RHOBTB2: variants seen among roughly 807,000 people sequenced by gnomAD.
RHOBTB2 encodes the protein rho-related BTB domain-containing protein 2.
In RHOBTB2, 39 loss-of-function variants were observed where a neutral mutation model predicts 66.5. That is an observed-to-expected ratio of 0.59 (90% CI 0.45 to 0.77). RHOBTB2 has a LOEUF of 0.77. Among genes scored for constraint, RHOBTB2 ranks in the 30% least tolerant of loss-of-function variants. The pLI is 0.00. For synonymous variants in RHOBTB2, 390 were observed against 395.0 expected (o/e 0.99, Z 0.15); for missense variants, 755 against 999.1 (o/e 0.76, Z 3.29).
intron 8 of RHOBTB2, among the ~76,000 whole-genome samples, chr8:23,015,295 G>GA: frequency 6.6e-6 from 1 of 152,290 alleles, no homozygotes; most frequent in South Asian, 2.1e-4. Context: ...AGGCTGCCTT[G>GA]ATCCCAGATG....
the RHOBTB2 span, among the ~76,000 whole-genome samples, chr8:22,955,643 C>T: frequency 6.9e-6 from 1 of 145,530 alleles, no homozygotes; most frequent in Non-Finnish European, 1.5e-5. Flanking sequence ...GATCATGGCT[C>T]ATTGCACCCT....
At chr8:23,013,093 C>G (rs1177341031) in intron 7 of RHOBTB2, among the ~76,000 whole-genome samples, 3 of 152,054 alleles carry the variant, frequency 2.0e-5, no homozygotes, top group Non-Finnish European at 2.9e-5. Flanking sequence ...GCCACCACAC[C>G]CGGCCTAATT....
the RHOBTB2 span, among the ~76,000 whole-genome samples, chr8:22,975,551 G>A: frequency 2.6e-5 from 4 of 152,152 alleles, no homozygotes; most frequent in African/African-American, 7.2e-5. Context: ...ATGCAGAAGC[G>A]AAAGGAGATA....
rs1347452165 is a variant in RHOBTB2, at chr8:23,007,702, G to T, written c.1457G>T (p.Arg486Leu). 6.2e-7 allele frequency: 1 copy of T among 1,614,060 alleles called. No homozygotes were observed. Among genetic ancestry groups the T allele is most frequent in the Admixed American group, 1.7e-5 (1 of 60,006 alleles). ...QEITKAFHVR[R>L]TNRVKECLAK... ...ATCACCAAGGCCTTCCACGTCCGCC[G>T]GACCAACCGGGTTAAGGAGTGCTTG... is the stretch of plus-strand genomic sequence containing the variant. The change falls in exon 5 of 10, where the codon CGG becomes CTG. Residue 486 changes from arginine to leucine, a missense_variant. Coordinates refer to ENST00000251822, the MANE Select transcript of RHOBTB2 (RefSeq NM_015178.3).
At chr8:22,999,425 G>A (rs936509128), upstream of RHOBTB2, among the ~76,000 whole-genome samples, 8 of 151,118 alleles carry the variant, frequency 5.3e-5, no homozygotes, top group Non-Finnish European at 1.0e-4. Flanking sequence ...GCGGAAGAGC[G>A]CGGGCGGTGG....
intron 5 of RHOBTB2, 39 bp from the exon 6 acceptor site, chr8:23,007,954 T>C: frequency 1.9e-6 from 3 of 1,588,602 alleles, no homozygotes; most frequent in Non-Finnish European, 2.6e-6. Flanking sequence ...TTCTCCCAGC[T>C]TCTTTCACCA....
chr8:23,009,187 A>G (rs376842206), intron 6 of RHOBTB2, among the ~76,000 whole-genome samples: 21 of 148,032 alleles, frequency 1.4e-4, no homozygotes, highest in East Asian at 1.3e-3. Context: ...AGAGAGAGAA[A>G]AGAAGGAAGG....
At chr8:22,979,095 G>A in the RHOBTB2 span, among the ~76,000 whole-genome samples, 2 of 152,194 alleles carry the variant, frequency 1.3e-5, no homozygotes, top group Admixed American at 6.5e-5. Flanking sequence ...CCTTTGGGAT[G>A]CAATAAAATA....
At position 23,015,359 on chromosome 8, in the gene RHOBTB2, G is replaced by A. The variant is rs559818054; in HGVS notation, c.1861-279G>A. Among the ~76,000 whole-genome samples, 147 of 152,306 alleles carry A rather than the reference G, an allele frequency of 9.7e-4. 1 individual carries two copies. The highest frequency in any genetic ancestry group is 3.5e-3 in the African/African-American group (146 of 41,560). On this transcript the variant is annotated intron_variant, in intron 8 of 9. Coordinates refer to ENST00000251822, the MANE Select transcript of RHOBTB2 (RefSeq NM_015178.3). ...GATCTGAGGAGGGCAGATGCAGTATGAAGCCACTACATAGGGCTCTGGTGT... is the reference window on the plus strand; with the variant it reads ...GATCTGAGGAGGGCAGATGCAGTATAAAGCCACTACATAGGGCTCTGGTGT...
At chr8:22,989,985 A>G (rs1312270039) in intron 1 of RHOBTB2, among the ~76,000 whole-genome samples, 2 of 152,192 alleles carry the variant, frequency 1.3e-5, no homozygotes, top group Non-Finnish European at 2.9e-5. Flanking sequence ...TCCATCTCAT[A>G]GGATTGTTTT....
the RHOBTB2 span, among the ~76,000 whole-genome samples, chr8:22,980,939 C>G: frequency 1.3e-5 from 2 of 152,214 alleles, no homozygotes; most frequent in Non-Finnish European, 2.9e-5. Flanking sequence ...ATTTAACTTT[C>G]TCTTTCAGCC....
intron 7 of RHOBTB2, among the ~76,000 whole-genome samples, chr8:23,012,202 A>C (rs992163889): frequency 7.2e-5 from 11 of 152,244 alleles, no homozygotes; most frequent in Non-Finnish European, 1.6e-4. Context: ...TCTCCAGAGA[A>C]ATGACCCAAA....
chr8:22,963,521 A>G, the RHOBTB2 span, among the ~76,000 whole-genome samples: 1 of 139,994 alleles, frequency 7.1e-6, no homozygotes, highest in East Asian at 2.3e-4. Flanking sequence ...TAATACCACA[A>G]CTTAACAAAG....
intron 8 of RHOBTB2, among the ~76,000 whole-genome samples, 195 bp from the exon 9 acceptor site, chr8:23,015,443 G>A (rs765918296): frequency 6.6e-6 from 1 of 152,090 alleles, no homozygotes; most frequent in Non-Finnish European, 1.5e-5. Context: ...GGTGCTGGCG[G>A]TGGTGCCAAG....
At chr8:22,995,553 C>T (rs920403640), upstream of RHOBTB2, among the ~76,000 whole-genome samples, 5 of 152,210 alleles carry the variant, frequency 3.3e-5, no homozygotes, top group South Asian at 2.1e-4. Flanking sequence ...ATAGAGTGTT[C>T]GGACTGAAGA....
At chr8:22,967,160 T>C in the RHOBTB2 span, among the ~76,000 whole-genome samples, 19 of 152,330 alleles carry the variant, frequency 1.2e-4, 2 homozygotes, top group African/African-American at 4.3e-4. Context: ...ATCATATGTA[T>C]GTATCCATTC....
At chr8:22,993,704 G>A (rs925949208) in intron 2 of RHOBTB2, among the ~76,000 whole-genome samples, 1 of 152,176 alleles carries the variant, frequency 6.6e-6, no homozygotes, top group African/African-American at 2.4e-5. Flanking sequence ...TCTTCTCTTG[G>A]CTTCTCTGGC....
At chr8:22,960,001 T>TA in the RHOBTB2 span, among the ~76,000 whole-genome samples, 13,010 of 104,774 alleles carry the variant, frequency 0.12, 1,005 homozygotes, top group African/African-American at 0.17. Context: ...CCATCTCTAC[T>TA]AAAAAAAAAA....
At chr8:22,964,164 T>C in the RHOBTB2 span, among the ~76,000 whole-genome samples, 1 of 152,106 alleles carries the variant, frequency 6.6e-6, no homozygotes, top group Non-Finnish European at 1.5e-5. Flanking sequence ...TCATTTATTA[T>C]TGCAAGAACC....
Sources: gnomAD v4.1 joint callset for allele counts (sites outside exome capture counted in the v4.1 genomes callset) on GRCh38, gnomAD v4.1.1 for gene constraint, MANE v1.5 for transcripts, NCBI Gene and HGNC (gene_info 2026-07-23, HGNC 2026-07-21) for gene names.